Variants in LRRC4C observed in about 807,000 individuals in gnomAD.
The protein encoded by LRRC4C is leucine-rich repeat-containing protein 4C.
LRRC4C carries 5 observed loss-of-function variants against 33.6 expected under a neutral mutation model. The observed-to-expected ratio is 0.15, with a 90% CI of 0.08 to 0.31. The LOEUF is 0.31. Ranked by LOEUF, LRRC4C falls within the 10% of genes least tolerant of loss-of-function variation. The pLI is 1.00. For synonymous variants in LRRC4C, 329 were observed against 302.0 expected, an observed-to-expected ratio of 1.09 and a Z score of -0.93; for missense variants, 560 against 796.7, an observed-to-expected ratio of 0.70 and a Z score of 3.58.
chr11:40,833,779 G>T (rs1257067802), intron 2 of LRRC4C, among the ~76,000 whole-genome samples: 1 of 87,038 alleles, frequency 1.1e-5, no homozygotes, highest in African/African-American at 2.6e-5. Context: ...ATTACATTTA[G>T]AAATAATTTT....
At chr11:41,354,749 A>T (rs948815231) in intron 1 of LRRC4C, among the ~76,000 whole-genome samples, 35 of 152,214 alleles carry the variant, frequency 2.3e-4, no homozygotes, top group African/African-American at 8.4e-4. Context: ...ATAATAAGCA[A>T]TGGGGAAAGG....
chr11:41,111,988 T>C (rs1941859382), intron 1 of LRRC4C, among the ~76,000 whole-genome samples: 1 of 152,028 alleles, frequency 6.6e-6, no homozygotes, highest in Admixed American at 6.6e-5. Context: ...AGTTAAGAGA[T>C]GACGAGTGAG....
At chr11:40,827,557 C>A (rs1458812625) in intron 2 of LRRC4C, among the ~76,000 whole-genome samples, 1 of 151,802 alleles carries the variant, frequency 6.6e-6, no homozygotes, top group Non-Finnish European at 1.5e-5. Flanking sequence ...ATATTAAAAC[C>A]TGAATAACAC....
intron 1 of LRRC4C, among the ~76,000 whole-genome samples, chr11:41,292,892 T>C (rs920394555): frequency 1.3e-5 from 2 of 152,210 alleles, no homozygotes; most frequent in South Asian, 2.1e-4. Flanking sequence ...ATGCTGTGAG[T>C]TGGCAATTTC....
intron 1 of LRRC4C, among the ~76,000 whole-genome samples, chr11:41,447,438 T>A (rs528819345): frequency 6.6e-6 from 1 of 152,310 alleles, no homozygotes; most frequent in African/African-American, 2.4e-5. Context: ...CTTAATTATT[T>A]AAAAACACTA....
At chr11:41,221,779 C>T (rs982695412) in intron 1 of LRRC4C, among the ~76,000 whole-genome samples, 1 of 152,160 alleles carries the variant, frequency 6.6e-6, no homozygotes, top group African/African-American at 2.4e-5. Flanking sequence ...TAGAATTCCA[C>T]ACAAGAAACC....
Position 41,289,706 on chromosome 11 carries a change from T to C in LRRC4C, c.-496+169725A>G, listed in dbSNP as rs139134819. ...TCTGGTTTCCAGGACTATGAGAAAA[T>C]ACATGTTTGGTTTTTAAGCCAACCA... On this transcript the variant is annotated intron_variant, in intron 1 of 6. Coordinates refer to ENST00000528697, the MANE Select transcript of LRRC4C (RefSeq NM_001258419.2). Among the ~76,000 whole-genome samples the C allele has an allele frequency of 4.8e-4, 73 of 152,268 alleles. 3 individuals carry two copies. The East Asian group carries it at 0.014, about 29-fold the overall frequency.
At chr11:40,402,876 G>A (rs963494300) in intron 3 of LRRC4C, among the ~76,000 whole-genome samples, 1 of 152,040 alleles carries the variant, frequency 6.6e-6, no homozygotes, top group Non-Finnish European at 1.5e-5. Context: ...CCTAATAGCT[G>A]GTTGTGGGAG....
chr11:41,368,285 C>A (rs780694982), intron 1 of LRRC4C, among the ~76,000 whole-genome samples: 1 of 152,172 alleles, frequency 6.6e-6, no homozygotes, highest in Non-Finnish European at 1.5e-5. Flanking sequence ...CTATCCTGAG[C>A]AATCAGTGTC....
At chr11:40,816,604 G>A (rs1484479683) in intron 2 of LRRC4C, among the ~76,000 whole-genome samples, 1 of 152,078 alleles carries the variant, frequency 6.6e-6, no homozygotes, top group Non-Finnish European at 1.5e-5. Context: ...TTCTTATAGA[G>A]AGTATGATCA....
chr11:40,342,010 A>C (rs1565292080), intron 3 of LRRC4C, among the ~76,000 whole-genome samples: 1 of 151,772 alleles, frequency 6.6e-6, no homozygotes, highest in Non-Finnish European at 1.5e-5. Context: ...AAAAAAAAAA[A>C]CAAAATAAGT....
intron 3 of LRRC4C, among the ~76,000 whole-genome samples, chr11:40,623,189 T>A (rs1299964000): frequency 6.6e-6 from 1 of 151,772 alleles, no homozygotes; most frequent in East Asian, 1.9e-4. Flanking sequence ...GAAAAGATGA[T>A]CACTAAGTCA....
At chr11:40,636,167 C>T (rs2136056638) in intron 3 of LRRC4C, among the ~76,000 whole-genome samples, 1 of 152,246 alleles carries the variant, frequency 6.6e-6, no homozygotes, top group South Asian at 2.1e-4. Context: ...ACTTCCTGCT[C>T]ATCTAGGTTG....
intron 5 of LRRC4C, among the ~76,000 whole-genome samples, chr11:40,151,707 A>T (rs944862275): frequency 6.6e-6 from 1 of 152,174 alleles, no homozygotes; most frequent in Admixed American, 6.5e-5. Context: ...GTAAACCATT[A>T]TAATAAAATA....
intron 5 of LRRC4C, among the ~76,000 whole-genome samples, chr11:40,228,866 T>A (rs968421362): frequency 1.4e-4 from 22 of 152,232 alleles, no homozygotes; most frequent in Admixed American, 6.5e-5. Flanking sequence ...TTAGGTTGGC[T>A]GTACAAAATC....
chr11:40,155,794 C>A (rs1042743730), intron 5 of LRRC4C, among the ~76,000 whole-genome samples: 2 of 152,050 alleles, frequency 1.3e-5, no homozygotes, highest in Admixed American at 6.6e-5. Context: ...GAATTGATAC[C>A]AATCCTTTTG....
rs78126749 is a variant in LRRC4C, at chr11:41,201,761, G to C, written c.-496+257670C>G. On this transcript the variant is annotated intron_variant, in intron 1 of 6. Coordinates refer to ENST00000528697, the MANE Select transcript of LRRC4C (RefSeq NM_001258419.2). ...TTTTCTTTTAAAGATTTTAGCATTG[G>C]CATTTTTTTGGAAAAATGTTATTCA... Among the ~76,000 whole-genome samples the C allele has an allele frequency of 1.6e-3, 242 of 152,134 alleles. 2 individuals carry two copies. The highest frequency in any genetic ancestry group is 5.6e-3 in the African/African-American group (232 of 41,518).
intron 1 of LRRC4C, among the ~76,000 whole-genome samples, chr11:41,094,820 A>G (rs1940702997): frequency 6.6e-6 from 1 of 152,180 alleles, no homozygotes; most frequent in Non-Finnish European, 1.5e-5. Flanking sequence ...TATTTATTGA[A>G]TAGATAATTT....
intron 3 of LRRC4C, among the ~76,000 whole-genome samples, chr11:40,439,113 T>C (rs1590738289): frequency 7.8e-6 from 1 of 128,782 alleles, no homozygotes; most frequent in Non-Finnish European, 1.7e-5. Flanking sequence ...TTTTTTTTTT[T>C]TGTATTTTTA....
Sources: gnomAD v4.1 joint callset for allele counts (sites outside exome capture counted in the v4.1 genomes callset) on GRCh38, gnomAD v4.1.1 for gene constraint, MANE v1.5 for transcripts, NCBI Gene and HGNC (gene_info 2026-07-23, HGNC 2026-07-21) for gene names.